Variants in AADAC observed in about 807,000 individuals in gnomAD.
The protein encoded by AADAC is arylacetamide deacetylase, also known as arylacetamide deacetylase (esterase).
AADAC carries 17 observed loss-of-function variants against 22.7 expected under a neutral mutation model. The ratio of observed to expected loss-of-function variants is 0.75; its 90% CI spans 0.51 to 1.12. AADAC has a LOEUF of 1.12. Among genes scored for constraint, AADAC ranks in the 50% most tolerant of loss-of-function variants. The probability of loss-of-function intolerance (pLI) is 0.00; values close to 1 mark genes in which losing one functional copy is unlikely to be tolerated. For missense variants in AADAC, 465 were observed against 473.9 expected, an observed-to-expected ratio of 0.98 and a Z score of 0.17; for synonymous variants, 167 against 176.3, an observed-to-expected ratio of 0.95 and a Z score of 0.42.
intron 3 of AADAC, among the ~76,000 whole-genome samples, chr3:151,821,552 A>G (rs999017190): frequency 1.3e-5 from 2 of 152,008 alleles, no homozygotes; most frequent in Non-Finnish European, 2.9e-5. Flanking sequence ...CATAATCTTG[A>G]TCAATATTTG....
intron 2 of AADAC, among the ~76,000 whole-genome samples, chr3:151,819,057 T>C (rs1716122451): frequency 6.6e-6 from 1 of 151,866 alleles, no homozygotes; most frequent in African/African-American, 2.4e-5. Context: ...GGCTTGAAAT[T>C]AAGCAAATTT....
chr3:151,828,199 A>T lies in AADAC; in HGVS notation c.*27A>T. The stretch of plus-strand genomic sequence containing the variant: ...AAAACATGTAGCTATAACATATTTT[A>T]AAAATAAAATCTGAAAACCTCAGAA... On this transcript the variant is annotated 3_prime_UTR_variant, in exon 5 of 5. Coordinates refer to ENST00000232892, the MANE Select transcript of AADAC (RefSeq NM_001086.3). The T allele has an allele frequency of 1.5e-6, 2 of 1,364,694 alleles. No individual in the cohort carries two copies. The highest frequency in any genetic ancestry group is 1.9e-6 in the Non-Finnish European group (2 of 1,029,964). 84.5% of individuals were successfully genotyped at this position (1,364,694 alleles called of 1,614,324 possible).
Position 151,820,438 on chromosome 3 carries a change from CG to C in AADAC, c.418del (p.Val140SerfsTer8), listed in dbSNP as rs1180181644. The C allele has an allele frequency of 1.3e-6, 2 of 1,580,778 alleles. No individual in the cohort carries two copies. The highest frequency in any genetic ancestry group is 2.7e-5 in the African/African-American group (2 of 73,794). ...RWTADRLDAVVVSTNYRLAPK... is the reference protein window; with the variant it reads ...RWTADRLDAVXVSTNYRLAPK... Reference sequence around the variant, plus strand: ...GGACAGCAGACAGACTTGATGCTGTCGTCGTATCAACCAAGTAAGAGCTGTG... The same window carrying C: ...GGACAGCAGACAGACTTGATGCTGTCTCGTATCAACCAAGTAAGAGCTGTG... On this transcript the variant is annotated frameshift_variant, in exon 3 of 5. Transcript: ENST00000232892. LOFTEE classifies it high-confidence loss of function.
At chr3:151,817,018 A>G (rs1716014872) in intron 1 of AADAC, among the ~76,000 whole-genome samples, 4 of 152,070 alleles carry the variant, frequency 2.6e-5, no homozygotes, top group African/African-American at 7.2e-5. Context: ...GAAGCCATCA[A>G]TGCAGATTTT....
At chr3:151,820,323 A>G in intron 2 of AADAC, 60 bp from the exon 3 acceptor site, 1 of 1,298,340 alleles carries the variant, frequency 7.7e-7, no homozygotes, top group South Asian at 1.5e-5. Context: ...TTGTGAAGGA[A>G]ACAGCCTTGT....
intron 4 of AADAC, among the ~76,000 whole-genome samples, chr3:151,825,359 C>A (rs1450246295): frequency 6.6e-6 from 1 of 151,886 alleles, no homozygotes; most frequent in Non-Finnish European, 1.5e-5. Context: ...TGCCACTGTA[C>A]TCCAGCCTGG....
At chr3:151,820,550 C>T in intron 3 of AADAC, 98 bp downstream of exon 3, 1 of 707,284 alleles carries the variant, frequency 1.4e-6, no homozygotes, top group Non-Finnish European at 2.0e-6. Flanking sequence ...TGGAGTCTCA[C>T]CCTGTCACCC....
At chr3:151,826,966 G>C (rs547902022) in intron 4 of AADAC, among the ~76,000 whole-genome samples, 1 of 152,002 alleles carries the variant, frequency 6.6e-6, no homozygotes, top group African/African-American at 2.4e-5. Flanking sequence ...CCAGGCTGGA[G>C]TGCAGTGGTG....
Position 151,827,575 on chromosome 3 carries a change from G to A in AADAC, c.604-1G>A, listed in dbSNP as rs1716553333. On this transcript the variant is annotated splice_acceptor_variant, in intron 4 of 4. Transcript: ENST00000232892. LOFTEE classifies it high-confidence loss of function. ...TTTGTGCAAATCATCTTGCTTCTCA[G>A]CTCCTTGATGACCCAGATGTCAAGA... 1.3e-6 allele frequency: 2 copies of A among 1,531,312 alleles called. No homozygotes were observed. The highest frequency in any genetic ancestry group is 1.8e-6 in the Non-Finnish European group (2 of 1,135,470). The allele number at this position is 1,531,312 out of a possible 1,614,324, so 94.9% of individuals were successfully genotyped here.
At chr3:151,826,557 A>G (rs1442710739) in intron 4 of AADAC, among the ~76,000 whole-genome samples, 4 of 151,978 alleles carry the variant, frequency 2.6e-5, no homozygotes, top group Non-Finnish European at 5.9e-5. Context: ...TAATATCTGT[A>G]CTTTTATTTA....
chr3:151,819,825 T>C (rs143250587), intron 2 of AADAC, among the ~76,000 whole-genome samples: 1 of 152,098 alleles, frequency 6.6e-6, no homozygotes, highest in African/African-American at 2.4e-5. Context: ...CTCAGCTAGA[T>C]ACATTCTTAA....
intron 3 of AADAC, among the ~76,000 whole-genome samples, chr3:151,823,893 TTTAG>T (rs1326446442): frequency 6.6e-6 from 1 of 152,046 alleles, no homozygotes; most frequent in African/African-American, 2.4e-5. Context: ...AAAATATTTA[TTTAG>T]TATTTATTGT....
intron 3 of AADAC, 38 bp from the exon 4 acceptor site, chr3:151,824,625 A>G: frequency 7.7e-7 from 1 of 1,297,476 alleles, no homozygotes; most frequent in East Asian, 2.8e-5. Context: ...TAATCAAAAC[A>G]AACAAAAAAA....
At chr3:151,814,364 T>G (rs1715892544) in intron 1 of AADAC, 64 bp downstream of exon 1, 1 of 1,461,844 alleles carries the variant, frequency 6.8e-7, no homozygotes, top group Non-Finnish European at 9.2e-7. Context: ...AGAATTAAGT[T>G]TTTCAAGATT....
intron 3 of AADAC, among the ~76,000 whole-genome samples, chr3:151,824,453 G>A (rs548163840): frequency 6.6e-5 from 10 of 151,986 alleles, no homozygotes; most frequent in African/African-American, 1.7e-4. Flanking sequence ...TCTGGGATGC[G>A]GGCAATGTTA....
At chr3:151,827,223 A>C (rs1481167419) in intron 4 of AADAC, among the ~76,000 whole-genome samples, 2 of 151,678 alleles carry the variant, frequency 1.3e-5, no homozygotes, top group Non-Finnish European at 2.9e-5. Context: ...ATTTTAATAA[A>C]CTCTTACATG....
intron 3 of AADAC, among the ~76,000 whole-genome samples, chr3:151,821,587 T>C (rs957470601): frequency 6.6e-6 from 1 of 152,006 alleles, no homozygotes; most frequent in Non-Finnish European, 1.5e-5. Context: ...CTCATAAATA[T>C]AGTGGCTAGA....
chr3:151,825,744 T>C (rs1716464335), intron 4 of AADAC, among the ~76,000 whole-genome samples: 1 of 152,014 alleles, frequency 6.6e-6, no homozygotes, highest in African/African-American at 2.4e-5. Context: ...ATATGTAGAA[T>C]AGATTTTGTT....
Position 151,827,509 on chromosome 3 carries a change from T to A in AADAC, c.604-67T>A, listed in dbSNP as rs572073561. On this transcript the variant is annotated intron_variant, in intron 4 of 4. Transcript: ENST00000232892. ...AAAACAAGATAGATAGACAGATAGATAATCTTATTAGGGATATTTTATTGT... is the reference window on the plus strand; with the variant it reads ...AAAACAAGATAGATAGACAGATAGAAAATCTTATTAGGGATATTTTATTGT... 3.1e-6 allele frequency: 3 copies of A among 962,664 alleles called. No individual in the cohort carries two copies. The East Asian group carries it at 7.3e-5, about 23-fold the overall frequency. The allele number at this position is 962,664 out of a possible 1,614,324, so 59.6% of individuals were successfully genotyped here.
Sources: gnomAD v4.1 joint callset for allele counts (sites outside exome capture counted in the v4.1 genomes callset) on GRCh38, gnomAD v4.1.1 for gene constraint, MANE v1.5 for transcripts, NCBI Gene and HGNC (gene_info 2026-07-23, HGNC 2026-07-21) for gene names.